HIPK3: variants seen among roughly 807,000 people sequenced by gnomAD.
The protein encoded by HIPK3 is homeodomain-interacting protein kinase 3.
In HIPK3, 47 loss-of-function variants were observed where a neutral mutation model predicts 124.2. That is an observed-to-expected ratio of 0.38 (90% CI 0.30 to 0.48). The LOEUF (loss-of-function observed/expected upper bound fraction) is 0.48. HIPK3 is among the 20% of genes least tolerant of loss of function. The pLI is 0.98. For synonymous variants in HIPK3, 482 were observed against 515.2 expected, an observed-to-expected ratio of 0.94 and a Z score of 0.87; for missense variants, 1,286 against 1,454.3, an observed-to-expected ratio of 0.88 and a Z score of 1.88.
At chr11:33,292,753 T>A (rs80189484) in intron 2 of HIPK3, among the ~76,000 whole-genome samples, 2 of 152,210 alleles carry the variant, frequency 1.3e-5, no homozygotes, top group South Asian at 4.1e-4. Context: ...TTCTTTTTTT[T>A]AAGATGGAGT....
At chr11:33,302,792 T>A (rs1437093092) in intron 2 of HIPK3, among the ~76,000 whole-genome samples, 6 of 152,268 alleles carry the variant, frequency 3.9e-5, no homozygotes, top group Non-Finnish European at 1.5e-5. Flanking sequence ...CTGATTTTTA[T>A]ATGTGACTTT....
chr11:33,258,376 C>A, intron 1 of HIPK3: 1 of 985,898 alleles, frequency 1.0e-6, no homozygotes, highest in Non-Finnish European at 1.2e-6. Context: ...AGCTTGAGCA[C>A]CCCAGCCGAT....
intron 2 of HIPK3, among the ~76,000 whole-genome samples, chr11:33,303,746 G>T (rs930002380): frequency 6.6e-6 from 1 of 152,178 alleles, no homozygotes; most frequent in Non-Finnish European, 1.5e-5. Context: ...TGCCAGTTCA[G>T]TGGCCAGTGA....
intron 8 of HIPK3, among the ~76,000 whole-genome samples, chr11:33,345,594 G>C (rs933617826): frequency 2.2e-5 from 3 of 138,672 alleles, no homozygotes; most frequent in Non-Finnish European, 4.6e-5. Flanking sequence ...TGCTCTCTCT[G>C]TTCATCCTTG....
At chr11:33,296,267 C>T (rs558819533) in intron 2 of HIPK3, among the ~76,000 whole-genome samples, 10 of 152,266 alleles carry the variant, frequency 6.6e-5, no homozygotes, top group Middle Eastern at 3.4e-3. Context: ...CTTTCTGGCA[C>T]CACAGATGTT....
At chr11:33,334,627 A>C (rs1378332693) in intron 3 of HIPK3, among the ~76,000 whole-genome samples, 1 of 147,088 alleles carries the variant, frequency 6.8e-6, no homozygotes, top group African/African-American at 2.6e-5. Flanking sequence ...AAATACACTA[A>C]AATTAATGAT....
intron 2 of HIPK3, among the ~76,000 whole-genome samples, chr11:33,308,632 G>GTGTA (rs1852235518): frequency 6.6e-6 from 1 of 151,570 alleles, no homozygotes; most frequent in Non-Finnish European, 1.5e-5. Context: ...GTGTGTGTGT[G>GTGTA]TGTGTGTGTG....
At chr11:33,258,194 C>CGG in intron 1 of HIPK3, 1 of 627,234 alleles carries the variant, frequency 1.6e-6, no homozygotes, top group Non-Finnish European at 2.0e-6. Flanking sequence ...GGCCGGGGCC[C>CGG]GGGGGCCTCG....
chr11:33,314,708 T>G (rs150513687), intron 2 of HIPK3, among the ~76,000 whole-genome samples: 50 of 152,264 alleles, frequency 3.3e-4, no homozygotes, highest in African/African-American at 9.9e-4. Context: ...AAGTACTCAA[T>G]CAACATTTTA....
intron 2 of HIPK3, among the ~76,000 whole-genome samples, chr11:33,308,134 T>C (rs1481225643): frequency 3.3e-5 from 5 of 152,186 alleles, no homozygotes; most frequent in African/African-American, 1.2e-4. Flanking sequence ...TGCATTGTTT[T>C]CCCCATGTGG....
chr11:33,260,773 T>A (rs950251974), intron 1 of HIPK3, among the ~76,000 whole-genome samples: 1 of 152,198 alleles, frequency 6.6e-6, no homozygotes, highest in African/African-American at 2.4e-5. Context: ...CCAGAAGTTG[T>A]TATTCCTGAC....
At chr11:33,331,953 G>A (rs266486) in intron 3 of HIPK3, among the ~76,000 whole-genome samples, 2,145 of 152,218 alleles carry the variant, frequency 0.014, 57 homozygotes, top group African/African-American at 0.049. Context: ...GAGTGCAGTG[G>A]CAGGATCATG....
chr11:33,341,208 G>A, intron 7 of HIPK3, 81 bp downstream of exon 7: 2 of 1,005,748 alleles, frequency 2.0e-6, no homozygotes, highest in Non-Finnish European at 1.4e-6. Flanking sequence ...CAGAAGTTTG[G>A]TGTCAGTTGT....
intron 2 of HIPK3, among the ~76,000 whole-genome samples, chr11:33,308,164 C>T (rs1051921513): frequency 2.0e-5 from 3 of 152,140 alleles, no homozygotes; most frequent in Non-Finnish European, 2.9e-5. Context: ...AACTGAGCAC[C>T]ATTTATTATT....
Position 33,332,821 on chromosome 11 carries a change from A to G in HIPK3, c.1221+4188A>G, listed in dbSNP as rs1381017002. Among the ~76,000 whole-genome samples the G allele has an allele frequency of 2.6e-5, 4 of 152,318 alleles. No individual in the cohort carries two copies. In the East Asian group the frequency reaches 7.7e-4, roughly 29 times the overall value. On this transcript the variant is annotated intron_variant, in intron 3 of 16. Coordinates refer to ENST00000303296, the MANE Select transcript of HIPK3 (RefSeq NM_005734.5). ...TAAAGGAATACCTGAGTAATTTATA[A>G]AGAAAAGAGATTTAATTGGCTCACA...
Position 33,283,235 on chromosome 11 carries a change from C to T in HIPK3, c.-2-3178C>T, listed in dbSNP as rs775407752. 1.2e-3 allele frequency among the ~76,000 whole-genome samples: 176 copies of T among 152,016 alleles called. 2 individuals are homozygous for T. The Middle Eastern group carries it at 0.02, about 18-fold the overall frequency. ...ACGCCATTCTCCTGCCTCAGCCTCC[C>T]GAGTAGCTGGGACTATAAGCACTTG... On this transcript the variant is annotated intron_variant, in intron 1 of 16. Coordinates refer to ENST00000303296, the MANE Select transcript of HIPK3 (RefSeq NM_005734.5).
At chr11:33,258,322 C>G in intron 1 of HIPK3, 1 of 985,518 alleles carries the variant, frequency 1.0e-6, no homozygotes, top group Non-Finnish European at 1.2e-6. Context: ...CTACGGAGAT[C>G]CCTTTCCTTT....
At chr11:33,279,249 AG>A (rs1851348623) in intron 1 of HIPK3, among the ~76,000 whole-genome samples, 1 of 133,368 alleles carries the variant, frequency 7.5e-6, no homozygotes, top group Admixed American at 8.4e-5. Context: ...GGGAAGGCGG[AG>A]GTTGCAGTGA....
intron 3 of HIPK3, among the ~76,000 whole-genome samples, chr11:33,331,381 G>T (rs1296705452): frequency 6.6e-6 from 1 of 151,802 alleles, no homozygotes; most frequent in Non-Finnish European, 1.5e-5. Context: ...CTGGGGAGTT[G>T]GTATTTTTTT....
Sources: allele counts gnomAD v4.1 joint callset (sites outside exome capture counted in the v4.1 genomes callset), GRCh38; gene constraint gnomAD v4.1.1; transcripts MANE v1.5; gene names NCBI Gene and HGNC (gene_info 2026-07-23, HGNC 2026-07-21).